The following USH2A variants were observed in gnomAD, a reference collection of about 807,000 sequenced individuals.
USH2A encodes Usher syndrome 2A (autosomal recessive, mild).
In USH2A, 443 loss-of-function variants were observed where a neutral mutation model predicts 538.9. The observed-to-expected ratio is 0.82, with a 90% CI of 0.76 to 0.89. The LOEUF is 0.89. Ranked by LOEUF, USH2A falls within the 40% of genes least tolerant of loss-of-function variation. USH2A has a pLI of 0.00. For missense variants in USH2A, 6,633 were observed against 6,324.8 expected (o/e 1.05, Z -1.65); for synonymous variants, 2,413 against 2,273.5 (o/e 1.06, Z -1.75).
rs754085188 is a variant in USH2A, at chr1:215,634,552, G to T, written c.15204C>A (p.His5068Gln). 6.2e-7 allele frequency: 1 copy of T among 1,614,014 alleles called. No homozygotes were observed. The highest frequency in any genetic ancestry group is 1.3e-5 in the African/African-American group (1 of 74,894). The change falls in exon 70 of 72, where the codon CAC becomes CAA. Residue 5068 changes from histidine (H) to glutamine (Q), a missense_variant. By Grantham distance (24) the His-to-Gln change is conservative. Transcript: ENST00000307340. Reference sequence around the variant, plus strand: ...GTCTTTCTCTGATATATGGCTCTTTGTGGATTTTTCTTTGTAGTATCAGGG... The same window carrying T: ...GTCTTTCTCTGATATATGGCTCTTTTTGGATTTTTCTTTGTAGTATCAGGG... ...FLSLILQRKI[H>Q]KEPYIRERPP... is the part of the protein sequence containing the mutation.
At chr1:215,657,084 G>C (rs1055584847) in intron 64 of USH2A, among the ~76,000 whole-genome samples, 6 of 152,222 alleles carry the variant, frequency 3.9e-5, no homozygotes, top group Admixed American at 6.5e-5. Flanking sequence ...TAATTCAATA[G>C]ATTCGATCAA....
At chr1:216,405,718 A>G (rs1415606270) in intron 3 of USH2A, among the ~76,000 whole-genome samples, 1 of 152,218 alleles carries the variant, frequency 6.6e-6, no homozygotes, top group Non-Finnish European at 1.5e-5. Flanking sequence ...TATGTTAACA[A>G]AAACATCCAC....
At chr1:215,892,170 T>C (rs1339937606) in intron 40 of USH2A, among the ~76,000 whole-genome samples, 1 of 152,182 alleles carries the variant, frequency 6.6e-6, no homozygotes, top group African/African-American at 2.4e-5. Context: ...TTTGTATACA[T>C]GTGTATGAAT....
At chr1:215,792,803 G>A (rs887642787) in intron 50 of USH2A, among the ~76,000 whole-genome samples, 14 of 152,218 alleles carry the variant, frequency 9.2e-5, no homozygotes, top group Admixed American at 3.3e-4. Context: ...TTTGACACAC[G>A]GAATGCACGA....
Position 216,421,896 on chromosome 1 carries a change from T to A in USH2A, c.441A>T (p.Ser147=). 6.2e-7 allele frequency: 1 copy of A among 1,613,956 alleles called. No individual in the cohort carries two copies. ...SSPPSPKLMA[S]FTLAVWLKPE... ...GTTTCAGCCATACAGCTAAGGTAAA[T>A]GATGCCATCAGCTTTGGAGAAGGAG... is the stretch of plus-strand genomic sequence containing the variant. The change falls in exon 2 of 72, where the codon TCA becomes TCT. Residue 147 remains serine, a synonymous_variant. Transcript: ENST00000307340.
At chr1:215,859,780 A>C (rs567550284) in intron 44 of USH2A, among the ~76,000 whole-genome samples, 2 of 152,294 alleles carry the variant, frequency 1.3e-5, no homozygotes, top group South Asian at 4.1e-4. Context: ...GCTAGTTAAA[A>C]GTTATCCTGC....
intron 4 of USH2A, among the ~76,000 whole-genome samples, chr1:216,358,877 T>A (rs1278895019): frequency 6.6e-6 from 1 of 152,132 alleles, no homozygotes; most frequent in African/African-American, 2.4e-5. Context: ...GAAGCATTAA[T>A]CCAACATTTA....
At chr1:215,650,975 A>T (rs1657058128) in intron 64 of USH2A, among the ~76,000 whole-genome samples, 174 bp from the exon 65 acceptor site, 1 of 152,070 alleles carries the variant, frequency 6.6e-6, no homozygotes, top group Non-Finnish European at 1.5e-5. Flanking sequence ...CAAGGAGAGC[A>T]GGCTGTTCCT....
intron 56 of USH2A, among the ~76,000 whole-genome samples, chr1:215,760,780 A>G (rs893915917): frequency 2.0e-5 from 3 of 152,140 alleles, no homozygotes; most frequent in African/African-American, 7.2e-5. Context: ...ACTTTCCTGT[A>G]TCTTTACTTT....
intron 32 of USH2A, among the ~76,000 whole-genome samples, chr1:216,024,987 C>T (rs1480103846): frequency 6.6e-6 from 1 of 151,824 alleles, no homozygotes; most frequent in East Asian, 1.9e-4. Context: ...GATTGAGCTA[C>T]TTATAAGAAG....
chr1:215,934,413 A>T (rs1194217017), intron 38 of USH2A, among the ~76,000 whole-genome samples: 1 of 152,042 alleles, frequency 6.6e-6, no homozygotes, highest in Non-Finnish European at 1.5e-5. Flanking sequence ...GGATGAAAGC[A>T]GTCTCAACAA....
chr1:216,106,414 G>GT (rs945090483), intron 21 of USH2A, among the ~76,000 whole-genome samples: 8 of 150,508 alleles, frequency 5.3e-5, no homozygotes, highest in Non-Finnish European at 1.0e-4. Context: ...TTATGAATAG[G>GT]TATAAAATTT....
intron 21 of USH2A, among the ~76,000 whole-genome samples, chr1:216,115,447 AAT>A (rs2032984077): frequency 6.6e-6 from 1 of 152,232 alleles, no homozygotes; most frequent in African/African-American, 2.4e-5. Flanking sequence ...GCTGGGCACA[AAT>A]ATATTTATGC....
In USH2A at chr1:215,634,552, G is replaced by A. The variant is rs754085188; in HGVS notation, c.15204C>T (p.His5068=). Reference sequence around the variant, plus strand: ...GTCTTTCTCTGATATATGGCTCTTTGTGGATTTTTCTTTGTAGTATCAGGG... The same window carrying A: ...GTCTTTCTCTGATATATGGCTCTTTATGGATTTTTCTTTGTAGTATCAGGG... ...FLSLILQRKI[H]KEPYIRERPP... Residue 5068 remains histidine (H), a synonymous_variant, in exon 70 of 72, where the codon CAC becomes CAT. Transcript: ENST00000307340. 6.2e-7 allele frequency: 1 copy of A among 1,614,132 alleles called. No homozygotes were observed. Among genetic ancestry groups the A allele is most frequent in the Non-Finnish European group, 8.5e-7 (1 of 1,180,038 alleles).
At chr1:216,345,535 C>G (rs1345292576) in intron 4 of USH2A, among the ~76,000 whole-genome samples, 3 of 152,124 alleles carry the variant, frequency 2.0e-5, no homozygotes, top group African/African-American at 7.2e-5. Context: ...CTCTCTTTCT[C>G]TCTGTGCAAA....
intron 67 of USH2A, among the ~76,000 whole-genome samples, chr1:215,644,300 A>C (rs1197946497): frequency 6.6e-6 from 1 of 152,164 alleles, no homozygotes; most frequent in African/African-American, 2.4e-5. Flanking sequence ...TAAGCTGGTT[A>C]TGAGAAATTC....
At chr1:216,254,730 G>A (rs2036227905) in intron 11 of USH2A, among the ~76,000 whole-genome samples, 1 of 152,122 alleles carries the variant, frequency 6.6e-6, no homozygotes, top group African/African-American at 2.4e-5. Context: ...ACATATGAGA[G>A]TGAGGTCTTC....
intron 32 of USH2A, among the ~76,000 whole-genome samples, chr1:216,029,439 G>A (rs1669039888): frequency 6.6e-6 from 1 of 151,982 alleles, no homozygotes; most frequent in Admixed American, 6.6e-5. Flanking sequence ...TTAACTAGTA[G>A]TCTAGTGATG....
rs553860908 is a variant in USH2A at position 215,876,295 on chromosome 1, T to C, written c.8681+1463A>G. 5.3e-5 allele frequency among the ~76,000 whole-genome samples: 8 copies of C among 152,320 alleles called. No homozygotes were observed. In the South Asian group the frequency reaches 1.7e-3, roughly 32 times the overall value. Reference sequence around the variant, plus strand: ...AGTGGCAGTTTCATATAGTTCATTCTGTTGCTTGATCAGATTTACGAGATG... The same window carrying C: ...AGTGGCAGTTTCATATAGTTCATTCCGTTGCTTGATCAGATTTACGAGATG... On this transcript the variant is annotated intron_variant, in intron 43 of 71. Transcript: ENST00000307340.
Sources: allele counts gnomAD v4.1 joint callset (sites outside exome capture counted in the v4.1 genomes callset), GRCh38; gene constraint gnomAD v4.1.1; transcripts MANE v1.5; gene names NCBI Gene and HGNC (gene_info 2026-07-23, HGNC 2026-07-21).